PCDHGA2: variants seen among roughly 807,000 people sequenced by gnomAD.
The protein encoded by PCDHGA2 is protocadherin gamma subfamily A, 2, also known as protocadherin gamma-A2.
A neutral mutation model predicts 59.2 loss-of-function variants in PCDHGA2; 40 were observed. The observed-to-expected ratio is 0.68, with a 90% CI of 0.52 to 0.88. PCDHGA2 has a LOEUF of 0.88. Ranked by LOEUF, PCDHGA2 falls within the 40% of genes least tolerant of loss-of-function variation. The pLI, the probability that PCDHGA2 is intolerant of heterozygous loss-of-function variation, is 0.00. For synonymous variants in PCDHGA2, 560 were observed against 526.0 expected (o/e 1.06, Z -0.89); for missense variants, 1,226 against 1,204.0 (o/e 1.02, Z -0.27).
At chr5:141,365,299 T>TGGAG (rs1561533738) in intron 1 of PCDHGA2, 1 of 1,614,002 alleles carries the variant, frequency 6.2e-7, no homozygotes, top group South Asian at 1.1e-5. Context: ...TAGCTCAGGA[T>TGGAG]GGAGGCGCTC....
At chr5:141,409,631 T>C (rs773588699) in intron 1 of PCDHGA2, 27 of 1,613,698 alleles carry the variant, frequency 1.7e-5, no homozygotes, top group Non-Finnish European at 2.2e-5. Context: ...AGTGAGCGCC[T>C]CTGACCCGGA....
Position 141,432,326 on chromosome 5 carries a change from G to C in PCDHGA2, c.2425-62481G>C. The C allele has an allele frequency of 1.2e-6, 2 of 1,614,228 alleles. No individual in the cohort carries two copies. The highest frequency in any genetic ancestry group is 2.2e-5 in the East Asian group (1 of 44,890). On this transcript the variant is annotated intron_variant, in intron 1 of 3. Transcript: ENST00000394576. This position sits in a 1 kb window ranked among gnomAD's most constrained non-coding sequence, Gnocchi z 6.0. ...GTATGCGCTGAGCTCCTTCGACTAC[G>C]AGCAGTTCCGAGACTTGCAAGTGAA...
intron 1 of PCDHGA2, among the ~76,000 whole-genome samples, chr5:141,353,155 A>G (rs1388612880): frequency 1.3e-5 from 2 of 152,052 alleles, no homozygotes; most frequent in African/African-American, 2.4e-5. Context: ...TTAATTTTCA[A>G]TCTTTACTGT....
rs148798222 is a variant in PCDHGA2, at chr5:141,432,106, G to A, written c.2425-62701G>A. On this transcript the variant is annotated intron_variant, in intron 1 of 3. Coordinates refer to ENST00000394576, the MANE Select transcript of PCDHGA2 (RefSeq NM_018915.4). This position sits in a 1 kb window ranked among gnomAD's most constrained non-coding sequence, Gnocchi z 6.0. The stretch of plus-strand genomic sequence containing the variant: ...ACGTGGCAGACACCAACGACAACCC[G>A]CCGGTCTTCCCTCAGGCCTCCTATT... 4 of 1,614,068 alleles carry A rather than the reference G, an allele frequency of 2.5e-6. No homozygotes were observed. Among genetic ancestry groups the A allele is most frequent in the Non-Finnish European group, 3.4e-6 (4 of 1,180,020 alleles).
intron 1 of PCDHGA2, among the ~76,000 whole-genome samples, chr5:141,387,526 G>C (rs186607627): frequency 2.0e-5 from 3 of 152,206 alleles, no homozygotes; most frequent in African/African-American, 7.2e-5. Context: ...ATATACAGAC[G>C]TATCCACGTA....
intron 1 of PCDHGA2, chr5:141,374,427 A>C: frequency 6.2e-7 from 1 of 1,613,980 alleles, no homozygotes; most frequent in Non-Finnish European, 8.5e-7. Flanking sequence ...GATAAACTGA[A>C]TCTTTATCCC....
Position 141,441,798 on chromosome 5 carries a change from CGGGT to C in PCDHGA2, c.2425-53007_2425-53004del, listed in dbSNP as rs1242635625. 6.4e-4 allele frequency: 248 copies of C among 387,326 alleles called. 2 individuals are homozygous for C. The highest frequency in any genetic ancestry group is 4.8e-3 in the African/African-American group (220 of 46,120). 24.0% of individuals were successfully genotyped at this position (387,326 alleles called of 1,614,324 possible). A position where few individuals can be genotyped will look rare whatever the true frequency, so the allele number is the denominator to read the frequency against. ...GGACGACCTGAATGACAACGCACCG[CGGGT>C]GCTGTACCCCAGCTCTGGAGCGCAA... On this transcript the variant is annotated intron_variant, in intron 1 of 3. Transcript: ENST00000394576.
chr5:141,453,317 G>A (rs1218359210), intron 1 of PCDHGA2, among the ~76,000 whole-genome samples: 1 of 151,178 alleles, frequency 6.6e-6, no homozygotes, highest in Non-Finnish European at 1.5e-5. Flanking sequence ...ATTTATTTTA[G>A]AGATGGGGTC....
chr5:141,394,298 G>A (rs763864270), intron 1 of PCDHGA2: 1 of 1,613,840 alleles, frequency 6.2e-7, no homozygotes, highest in African/African-American at 1.3e-5. Context: ...CCGAGGACAC[G>A]CTGCAGGGGG....
chr5:141,344,275 G>A, intron 1 of PCDHGA2: 1 of 1,614,110 alleles, frequency 6.2e-7, no homozygotes, highest in South Asian at 1.1e-5. Context: ...AATCCGCAAA[G>A]CGGCAGCTTG....
rs758540898 is a variant in PCDHGA2 at position 141,400,450 on chromosome 5, A to G, written c.2424+59055A>G. The G allele has an allele frequency of 3.7e-6, 6 of 1,613,982 alleles. No homozygotes were observed. The African/African-American group carries it at 5.3e-5, about 14-fold the overall frequency. ...TGAGCAATTGAGTTCAGGACAAGAC[A>G]TACTTTGTGGTGATTCATCTGGGGC... On this transcript the variant is annotated intron_variant, in intron 1 of 3. Transcript: ENST00000394576.
At chr5:141,383,357 CG>C (rs1779064068) in intron 1 of PCDHGA2, 2 of 1,613,956 alleles carry the variant, frequency 1.2e-6, no homozygotes, top group Non-Finnish European at 1.7e-6. Flanking sequence ...GTTCGGTTTC[CG>C]TTAAGCGAGG....
At chr5:141,399,762 C>T (rs1415096807) in intron 1 of PCDHGA2, 4 of 1,613,352 alleles carry the variant, frequency 2.5e-6, no homozygotes, top group Non-Finnish European at 2.5e-6. Flanking sequence ...TGAGCCTGCG[C>T]GTGTTGGTGG....
At chr5:141,374,328 G>T in intron 1 of PCDHGA2, 1 of 1,613,996 alleles carries the variant, frequency 6.2e-7, no homozygotes, top group Non-Finnish European at 8.5e-7. Flanking sequence ...CCGCGAAACG[G>T]CAGCTTGGTC....
chr5:141,388,892 A>G (rs1370408221), intron 1 of PCDHGA2: 1 of 1,613,996 alleles, frequency 6.2e-7, no homozygotes, highest in Non-Finnish European at 8.5e-7. Context: ...TAGAAGTCAT[A>G]GATGAAAATG....
Position 141,404,830 on chromosome 5 carries a change from G to A in PCDHGA2, c.2424+63435G>A, listed in dbSNP as rs775106144. The A allele has an allele frequency of 3.7e-6, 6 of 1,613,932 alleles. No individual in the cohort carries two copies. In the East Asian group the frequency reaches 1.3e-4, roughly 36 times the overall value. ...CGGTGGGGCTGCACACAGGTGAAGT[G>A]CGCACAGCTCGGGCCCTGCTAGATA... On this transcript the variant is annotated intron_variant, in intron 1 of 3. Coordinates refer to ENST00000394576, the MANE Select transcript of PCDHGA2 (RefSeq NM_018915.4).
chr5:141,415,893 A>G, intron 1 of PCDHGA2: 2 of 904,826 alleles, frequency 2.2e-6, no homozygotes, highest in Non-Finnish European at 3.0e-6. Flanking sequence ...GACAATTCCT[A>G]AGACAGACTT....
intron 1 of PCDHGA2, chr5:141,372,722 A>C: frequency 6.2e-7 from 1 of 1,613,930 alleles, no homozygotes; most frequent in Non-Finnish European, 8.5e-7. Context: ...AAAATGCTGC[A>C]CCACAAGATC....
chr5:141,357,319 T>C, intron 1 of PCDHGA2: 6 of 1,614,060 alleles, frequency 3.7e-6, no homozygotes, highest in Non-Finnish European at 5.1e-6. Context: ...CTTCCTGGCT[T>C]TTGTCACGGT....
Sources: allele counts gnomAD v4.1 joint callset (sites outside exome capture counted in the v4.1 genomes callset), GRCh38; gene constraint gnomAD v4.1.1; non-coding constraint Gnocchi (gnomAD v3.1); transcripts MANE v1.5; gene names NCBI Gene and HGNC (gene_info 2026-07-23, HGNC 2026-07-21).